Variants in MICAL3 observed in about 807,000 individuals in gnomAD.
The protein encoded by MICAL3 is [F-actin]-monooxygenase MICAL3.
Under a neutral mutation model 207.4 loss-of-function variants are expected in MICAL3, and 62 were observed. The ratio of observed to expected loss-of-function variants is 0.30; its 90% confidence interval spans 0.24 to 0.37. MICAL3 has a LOEUF of 0.37. Among genes scored for constraint, MICAL3 ranks in the 10% least tolerant of loss-of-function variants. The probability of loss-of-function intolerance (pLI) is 1.00; values close to 1 mark genes in which losing one functional copy is unlikely to be tolerated. For missense variants in MICAL3, 2,368 were observed against 2,635.6 expected (o/e 0.90, Z 2.22); for synonymous variants, 1,077 against 1,069.3 (o/e 1.01, Z -0.14).
At chr22:17,867,841 G>A (rs1420792777) in intron 17 of MICAL3, among the ~76,000 whole-genome samples, 1 of 152,202 alleles carries the variant, frequency 6.6e-6, no homozygotes. Context: ...TACAGTAACA[G>A]AAAACTAAAA....
At chr22:17,791,165 A>T in intron 30 of MICAL3, 37 bp downstream of exon 30, 1 of 1,609,452 alleles carries the variant, frequency 6.2e-7, no homozygotes, top group Non-Finnish European at 8.5e-7. Flanking sequence ...GGCTGTGACA[A>T]GCATAGCGCT....
chr22:17,811,957 C>T (rs2062053300), intron 27 of MICAL3, among the ~76,000 whole-genome samples: 1 of 152,154 alleles, frequency 6.6e-6, no homozygotes, highest in South Asian at 2.1e-4. Flanking sequence ...TTATATTGCC[C>T]AAGCTGGTCT....
chr22:17,949,227 T>C (rs1472735627), intron 1 of MICAL3, among the ~76,000 whole-genome samples: 1 of 152,004 alleles, frequency 6.6e-6, no homozygotes, highest in Non-Finnish European at 1.5e-5. Context: ...AATAAATAAA[T>C]ATAACAAGAT....
At chr22:17,950,166 A>ATTTTTTTTTTTTT (rs10657913) in intron 1 of MICAL3, among the ~76,000 whole-genome samples, 12 of 144,012 alleles carry the variant, frequency 8.3e-5, no homozygotes, top group African/African-American at 3.2e-4. Context: ...ACAGCTGTCT[A>ATTTTTTTTTTTTT]TTTTTTTTTT....
chr22:17,809,071 T>C (rs1025437813), intron 28 of MICAL3, 134 bp from the exon 29 acceptor site: 2 of 735,716 alleles, frequency 2.7e-6, no homozygotes, highest in Non-Finnish European at 4.4e-6. Flanking sequence ...GGCGGTGCGC[T>C]CAGGGTGTGG....
In MICAL3 at chr22:17,791,699, T is replaced by C. The variant is rs149144918; in HGVS notation, c.5651-398A>G. On this transcript the variant is annotated intron_variant, in intron 29 of 31. Transcript: ENST00000441493. The stretch of plus-strand genomic sequence containing the variant: ...AACCCGTCTTGTTAAACGAGACAAA[T>C]GTGAATTTGTAAACTGCACCCTGCC... 1,579 of 213,880 alleles carry C rather than the reference T, an allele frequency of 7.4e-3. 26 individuals are homozygous for C. The highest frequency in any genetic ancestry group is 0.033 in the African/African-American group (1,448 of 43,904). The allele number at this position is 213,880 out of a possible 1,614,324, so 13.2% of individuals were successfully genotyped here. A position where few individuals can be genotyped will look rare whatever the true frequency, so the allele number is the denominator to read the frequency against.
intron 1 of MICAL3, among the ~76,000 whole-genome samples, chr22:17,956,000 G>A (rs1259392660): frequency 6.6e-6 from 1 of 152,248 alleles, no homozygotes; most frequent in Non-Finnish European, 1.5e-5. Flanking sequence ...GTTTATGAAT[G>A]TTTATGAGCA....
intron 12 of MICAL3, among the ~76,000 whole-genome samples, chr22:17,890,543 A>C (rs1224431896): frequency 1.3e-5 from 2 of 152,206 alleles, no homozygotes; most frequent in Non-Finnish European, 2.9e-5. Context: ...GCTAAGTGAC[A>C]GGAGCACCAG....
At chr22:17,953,968 G>GA (rs1429657610) in intron 1 of MICAL3, among the ~76,000 whole-genome samples, 12 of 86,104 alleles carry the variant, frequency 1.4e-4, no homozygotes, top group African/African-American at 4.4e-4. Flanking sequence ...AAAAAAAAAA[G>GA]AAAAGAAAAA....
chr22:17,869,615 T>C (rs1162001584), intron 17 of MICAL3, among the ~76,000 whole-genome samples: 7 of 152,136 alleles, frequency 4.6e-5, no homozygotes, highest in African/African-American at 1.4e-4. Flanking sequence ...ACAGAACAAA[T>C]AGCACCACAA....
chr22:17,912,719 G>A (rs1932221100), intron 1 of MICAL3, among the ~76,000 whole-genome samples: 1 of 152,118 alleles, frequency 6.6e-6, no homozygotes, highest in Non-Finnish European at 1.5e-5. Context: ...CCTTGAACAG[G>A]TTTTTCTGGT....
chr22:17,833,113 G>A (rs1922987944), intron 20 of MICAL3, among the ~76,000 whole-genome samples: 2 of 152,146 alleles, frequency 1.3e-5, no homozygotes, highest in Non-Finnish European at 2.9e-5. Context: ...GTAGCTCCTC[G>A]CTCTGGCCAC....
intron 1 of MICAL3, among the ~76,000 whole-genome samples, chr22:17,957,271 C>A (rs1254422379): frequency 6.6e-6 from 1 of 152,210 alleles, no homozygotes; most frequent in East Asian, 1.9e-4. Flanking sequence ...GAGACAAAAT[C>A]CTGATGGCCA....
chr22:17,797,649 T>C (rs1307476568), intron 29 of MICAL3, among the ~76,000 whole-genome samples: 2 of 152,212 alleles, frequency 1.3e-5, no homozygotes, highest in Non-Finnish European at 2.9e-5. Context: ...CCTGGTTCTA[T>C]TTGACCCACT....
At chr22:17,888,931 T>C (rs1029759256) in intron 13 of MICAL3, 103 bp downstream of exon 13, 3 of 721,564 alleles carry the variant, frequency 4.2e-6, no homozygotes, top group African/African-American at 1.8e-5. Flanking sequence ...CAGAGTAACT[T>C]TGTGTTTGGT....
At chr22:18,021,931 G>A (rs1924504426) in intron 1 of MICAL3, among the ~76,000 whole-genome samples, 1 of 152,182 alleles carries the variant, frequency 6.6e-6, no homozygotes, top group Non-Finnish European at 1.5e-5. Context: ...TATCTCGCAG[G>A]AGATCTTAAC....
At chr22:17,915,919 C>T (rs1932468364) in intron 1 of MICAL3, among the ~76,000 whole-genome samples, 1 of 151,788 alleles carries the variant, frequency 6.6e-6, no homozygotes, top group South Asian at 2.1e-4. Flanking sequence ...GCAAGACCCT[C>T]ATCTCTACAA....
chr22:17,920,143 C>A (rs1326330921), intron 1 of MICAL3, among the ~76,000 whole-genome samples: 1 of 152,226 alleles, frequency 6.6e-6, no homozygotes, highest in African/African-American at 2.4e-5. Flanking sequence ...ACGGAGGAGG[C>A]AAGTGAGAGG....
intron 19 of MICAL3, among the ~76,000 whole-genome samples, chr22:17,854,490 G>A (rs1420236989): frequency 2.0e-5 from 3 of 152,126 alleles, no homozygotes; most frequent in African/African-American, 7.2e-5. Flanking sequence ...CAGCAGGAGT[G>A]CAGTACATGG....
Sources: gnomAD v4.1 joint callset for allele counts (sites outside exome capture counted in the v4.1 genomes callset) on GRCh38, gnomAD v4.1.1 for gene constraint, MANE v1.5 for transcripts, NCBI Gene and HGNC (gene_info 2026-07-23, HGNC 2026-07-21) for gene names.